Variants in TRIB3 observed in about 807,000 individuals in gnomAD.
TRIB3 encodes the protein tribbles pseudokinase 3.
In TRIB3, 20 loss-of-function variants were observed where a neutral mutation model predicts 16.6. The ratio of observed to expected loss-of-function variants is 1.20; its 90% CI spans 0.85 to 1.75. The LOEUF is 1.75. Ranked by LOEUF, TRIB3 falls within the 40% of genes most tolerant of loss-of-function variation. The pLI is 0.00. For missense variants in TRIB3, 484 were observed against 488.9 expected (o/e 0.99, Z 0.10); for synonymous variants, 208 against 217.0 (o/e 0.96, Z 0.36).
intron 1 of TRIB3, among the ~76,000 whole-genome samples, chr20:386,501 T>C (rs977760038): frequency 6.6e-6 from 1 of 152,102 alleles, no homozygotes; most frequent in African/African-American, 2.4e-5. Flanking sequence ...CTCTGCCTCC[T>C]GGGTTCAAGC....
intron 3 of TRIB3, 29 bp from the exon 4 acceptor site, chr20:396,169 T>C: frequency 6.3e-7 from 1 of 1,593,262 alleles, no homozygotes; most frequent in Non-Finnish European, 8.6e-7. Context: ...GGGTAGGACC[T>C]GACCCTTCTG....
Position 380,946 on chromosome 20 carries a change from ATTAGCTCCGGTTTGCATCACCCGGACCGG to A in TRIB3, c.-223_-195del, listed in dbSNP as rs2014620734. ...CGGTTTGCATCACCCGGACCGGGGG[ATTAGCTCCGGTTTGCATCACCCGGACCGG>A]GGGCCGGGCGCGCACGAGACTCGCA... On this transcript the variant is annotated 5_prime_UTR_variant, in exon 1 of 4. It removes the in-frame stop codon of an upstream open reading frame in the 5' UTR. Coordinates refer to ENST00000217233, the MANE Select transcript of TRIB3 (RefSeq NM_021158.5). 8.4e-6 allele frequency: 1 copy of A among 118,736 alleles called. No individual in the cohort carries two copies. The highest frequency in any genetic ancestry group is 1.0e-4 in the Admixed American group (1 of 9,804). 7.4% of individuals were successfully genotyped at this position (118,736 alleles called of 1,614,324 possible).
intron 3 of TRIB3, among the ~76,000 whole-genome samples, chr20:393,337 C>CT (rs34033217): frequency 0.085 from 12,606 of 148,118 alleles, 716 homozygotes; most frequent in South Asian, 0.3. Context: ...GACCTTGACA[C>CT]TTTTTTTTTT....
chr20:386,320 T>C (rs6051605), intron 1 of TRIB3, among the ~76,000 whole-genome samples: 22,924 of 152,200 alleles, frequency 0.15, 2,173 homozygotes, highest in Admixed American at 0.27. Context: ...CCATGGATTA[T>C]GAGATTAGTT....
chr20:383,074 G>A (rs1170719466), intron 1 of TRIB3, among the ~76,000 whole-genome samples: 5 of 152,122 alleles, frequency 3.3e-5, no homozygotes, highest in African/African-American at 1.2e-4. Flanking sequence ...GGGCAGATGG[G>A]TTCTAGAGAG....
At position 396,210 on chromosome 20, in the gene TRIB3, G is replaced by A; in HGVS notation, c.597G>A (p.Val199=). 2 of 1,607,940 alleles carry A rather than the reference G, an allele frequency of 1.2e-6. No homozygotes were observed. Among genetic ancestry groups the A allele is most frequent in the Non-Finnish European group, 1.7e-6 (2 of 1,175,108 alleles). The change falls in exon 4 of 4, where the codon GTG becomes GTA. Residue 199 remains valine (V), a synonymous_variant. Transcript: ENST00000217233. ...VFADRERKKL[V]LENLEDSCVL... The stretch of plus-strand genomic sequence containing the variant: ...CCCCATGTCCCAGGAAGAAGCTGGT[G>A]CTGGAGAACCTGGAGGACTCCTGCG...
Position 388,193 on chromosome 20 carries a change from T to A in TRIB3, c.183T>A (p.Ala61=). ...SPPTAPDRAT[A]VATASRLGPY... ...CTACTGCTCCAGATCGTGCAACTGC[T>A]GTGGCCACTGCCTCCCGTCTTGGGC... Residue 61 remains alanine (A), a synonymous_variant, in exon 2 of 4, where the codon GCT becomes GCA. Coordinates refer to ENST00000217233, the MANE Select transcript of TRIB3 (RefSeq NM_021158.5). The A allele has an allele frequency of 4.3e-6, 7 of 1,613,990 alleles. No homozygotes were observed. Among genetic ancestry groups the A allele is most frequent in the Non-Finnish European group, 5.9e-6 (7 of 1,180,018 alleles).
In TRIB3 at chr20:391,891, G is replaced by A. The variant is rs560871898; in HGVS notation, c.584+312G>A. Among the ~76,000 whole-genome samples, 23 of 152,126 alleles carry A rather than the reference G, an allele frequency of 1.5e-4. 1 individual carries two copies. The highest frequency in any genetic ancestry group is 1.2e-3 in the Admixed American group (18 of 15,264). The stretch of plus-strand genomic sequence containing the variant: ...ACAAAAATTAGCCTAGTGTGGTGGC[G>A]CACACCTGTAATCCCAGCTACTCTG... On this transcript the variant is annotated intron_variant, in intron 3 of 3. Transcript: ENST00000217233.
At chr20:382,476 A>G in intron 1 of TRIB3, 1 of 1,500,470 alleles carries the variant, frequency 6.7e-7, no homozygotes, top group South Asian at 1.2e-5. Flanking sequence ...TGCGTGACTC[A>G]GAACAGCCTT....
At chr20:387,029 G>A (rs1489518258) in intron 1 of TRIB3, among the ~76,000 whole-genome samples, 1 of 152,172 alleles carries the variant, frequency 6.6e-6, no homozygotes, top group Non-Finnish European at 1.5e-5. Flanking sequence ...GGGATTACAG[G>A]CGTGAGCCAC....
intron 3 of TRIB3, among the ~76,000 whole-genome samples, chr20:393,337 C>CTT (rs34033217): frequency 2.7e-5 from 4 of 148,234 alleles, no homozygotes; most frequent in South Asian, 4.2e-4. Flanking sequence ...GACCTTGACA[C>CTT]TTTTTTTTTT....
intron 3 of TRIB3, among the ~76,000 whole-genome samples, chr20:394,789 A>G (rs1568537388): frequency 2.0e-5 from 3 of 150,116 alleles, no homozygotes; most frequent in Non-Finnish European, 3.0e-5. Context: ...CTATCTCTAA[A>G]GAAAAAAAAG....
Position 396,940 on chromosome 20 carries a change from A to C in TRIB3, c.*250A>C. 1 of 486,146 alleles carries C rather than the reference A, an allele frequency of 2.1e-6. No homozygotes were observed. The highest frequency in any genetic ancestry group is 3.6e-6 in the Non-Finnish European group (1 of 275,802). The allele number at this position is 486,146 out of a possible 1,614,324, so 30.1% of individuals were successfully genotyped here. On this transcript the variant is annotated 3_prime_UTR_variant, in exon 4 of 4. Coordinates refer to ENST00000217233, the MANE Select transcript of TRIB3 (RefSeq NM_021158.5). Reference sequence around the variant, plus strand: ...TACAGCAGTGAGCAAAGGAGACAATATTCCCTGCTCACAGAGATGACAAAC... The same window carrying C: ...TACAGCAGTGAGCAAAGGAGACAATCTTCCCTGCTCACAGAGATGACAAAC...
chr20:382,463 T>A, intron 1 of TRIB3: 1 of 1,440,684 alleles, frequency 6.9e-7, no homozygotes, highest in Non-Finnish European at 9.4e-7. Context: ...CCAGGTATCA[T>A]CCTGCGTGAC....
chr20:381,688 G>A (rs2014654442), intron 1 of TRIB3, among the ~76,000 whole-genome samples: 1 of 152,108 alleles, frequency 6.6e-6, no homozygotes, highest in Non-Finnish European at 1.5e-5. Context: ...CTGGGCACTT[G>A]GTGGCAGGGG....
chr20:393,741 G>C (rs1279927469), intron 3 of TRIB3, among the ~76,000 whole-genome samples: 1 of 152,134 alleles, frequency 6.6e-6, no homozygotes, highest in African/African-American at 2.4e-5. Flanking sequence ...ACACAGAATC[G>C]ATAGGCCCCT....
At chr20:382,136 C>T (rs1475507647) in intron 1 of TRIB3, among the ~76,000 whole-genome samples, 4 of 148,964 alleles carry the variant, frequency 2.7e-5, no homozygotes, top group African/African-American at 4.9e-5. Flanking sequence ...TGCGTGCGCG[C>T]GCGCGCTTGC....
intron 1 of TRIB3, among the ~76,000 whole-genome samples, chr20:384,078 TTCC>T (rs1254473099): frequency 2.0e-4 from 30 of 152,114 alleles, no homozygotes; most frequent in Admixed American, 2.0e-3. Context: ...CCTCTTGATC[TTCC>T]TCCTATGAGC....
intron 1 of TRIB3, 147 bp from the exon 2 acceptor site, chr20:387,864 C>T: frequency 2.2e-6 from 2 of 921,776 alleles, no homozygotes; most frequent in Non-Finnish European, 3.2e-6. Context: ...AGTGGGGCAC[C>T]CAGTTAAGGA....
Sources: allele counts gnomAD v4.1 joint callset (sites outside exome capture counted in the v4.1 genomes callset), GRCh38; gene constraint gnomAD v4.1.1; transcripts MANE v1.5; gene names NCBI Gene and HGNC (gene_info 2026-07-23, HGNC 2026-07-21).